Variants in MMP20 observed in about 807,000 individuals in gnomAD.
The protein encoded by MMP20 is matrix metalloproteinase-20.
A neutral mutation model predicts 51.8 loss-of-function variants in MMP20; 50 were observed. The ratio of observed to expected loss-of-function variants is 0.97; its 90% CI spans 0.77 to 1.22. The LOEUF (loss-of-function observed/expected upper bound fraction) is 1.22, where lower values mean the gene tolerates loss of function less well. Ranked by LOEUF, MMP20 falls within the 50% of genes most tolerant of loss-of-function variation. MMP20 has a pLI of 0.00. For synonymous variants in MMP20, 244 were observed against 216.2 expected, an observed-to-expected ratio of 1.13 and a Z score of -1.13; for missense variants, 663 against 601.4, an observed-to-expected ratio of 1.10 and a Z score of -1.07.
intron 1 of MMP20, among the ~76,000 whole-genome samples, chr11:102,621,666 T>C (rs1327345313): frequency 1.3e-5 from 2 of 152,244 alleles, no homozygotes; most frequent in East Asian, 1.9e-4. Context: ...AGAAGCCTTA[T>C]TCATATGGAA....
intron 8 of MMP20, among the ~76,000 whole-genome samples, chr11:102,584,937 C>G (rs902290125): frequency 5.9e-5 from 9 of 152,128 alleles, no homozygotes; most frequent in African/African-American, 1.9e-4. Context: ...CCCATAGATA[C>G]ATGGCTTTAT....
chr11:102,583,241 C>T (rs1317268082), intron 8 of MMP20, among the ~76,000 whole-genome samples: 2 of 152,186 alleles, frequency 1.3e-5, no homozygotes, highest in Non-Finnish European at 2.9e-5. Context: ...GTTTGAAGAA[C>T]AATCAAATCT....
At position 102,577,354 on chromosome 11, in the gene MMP20, A is replaced by G. The variant is rs751829476; in HGVS notation, c.1424T>C (p.Val475Ala). The change falls in exon 10 of 10, where the codon GTG (valine) becomes GCG (alanine). Residue 475 changes from valine to alanine, a missense_variant. Physicochemically the swap from Val to Ala is moderately conservative, Grantham distance 64 (BLOSUM62 0). Coordinates refer to ENST00000260228, the MANE Select transcript of MMP20 (RefSeq NM_004771.4). ...GCAACCAATCCAGGAACTAGATTTC[A>G]CCACACTAACCACATCTTCCTTCTC... ...DTEKEDVVSVVKSSSWIGC is the reference protein window; with the variant it reads ...DTEKEDVVSVAKSSSWIGC The G allele has an allele frequency of 2.9e-5, 47 of 1,613,796 alleles. No homozygotes were observed. The highest frequency in any genetic ancestry group is 4.0e-5 in the Non-Finnish European group (47 of 1,179,812).
At chr11:102,579,175 C>T (rs971367838) in intron 8 of MMP20, 33 bp from the exon 9 acceptor site, 1 of 1,482,618 alleles carries the variant, frequency 6.7e-7, no homozygotes, top group Non-Finnish European at 9.4e-7. Flanking sequence ...AATAATATTA[C>T]TAAGAGGTTT....
At chr11:102,590,153 T>A (rs986300787) in intron 8 of MMP20, among the ~76,000 whole-genome samples, 9 of 152,174 alleles carry the variant, frequency 5.9e-5, no homozygotes, top group Middle Eastern at 3.2e-3. Context: ...ATGTAGCCAC[T>A]GCTCTGCTAC....
At chr11:102,611,289 G>T (rs1305473465) in intron 3 of MMP20, among the ~76,000 whole-genome samples, 1 of 152,212 alleles carries the variant, frequency 6.6e-6, no homozygotes, top group Admixed American at 6.5e-5. Context: ...GTGTGGGCAA[G>T]ACAGAAACGA....
At chr11:102,593,641 G>C in intron 7 of MMP20, 46 bp from the exon 8 acceptor site, 1 of 1,601,976 alleles carries the variant, frequency 6.2e-7, no homozygotes, top group South Asian at 1.1e-5. Flanking sequence ...ACCACTTGGT[G>C]ATGCACTTCT....
chr11:102,618,333 T>G (rs1350031615), intron 1 of MMP20, among the ~76,000 whole-genome samples: 2 of 151,530 alleles, frequency 1.3e-5, no homozygotes, highest in East Asian at 3.8e-4. Flanking sequence ...ATTTATTAGA[T>G]ATAAATTACA....
Position 102,593,435 on chromosome 11 carries a change from A to G in MMP20, c.1247+4T>C. On this transcript the variant is annotated splice_donor_region_variant and intron_variant, in intron 8 of 9. Transcript: ENST00000260228. ...ATAGATAGTAAAAAGGAAAAAAGCC[A>G]TACCTGTAGTATTCATCTCCCACAA... 1 of 1,613,548 alleles carries G rather than the reference A, an allele frequency of 6.2e-7. No individual in the cohort carries two copies. The highest frequency in any genetic ancestry group is 8.5e-7 in the Non-Finnish European group (1 of 1,179,602).
chr11:102,609,165 T>C (rs1373708441), intron 4 of MMP20, 67 bp from the exon 5 acceptor site: 3 of 1,397,596 alleles, frequency 2.1e-6, no homozygotes, highest in Admixed American at 3.6e-5. Context: ...CTTCCATCTT[T>C]ATAGTATAAT....
At chr11:102,618,196 G>A (rs1026002022) in intron 1 of MMP20, among the ~76,000 whole-genome samples, 4 of 151,974 alleles carry the variant, frequency 2.6e-5, no homozygotes, top group Non-Finnish European at 4.4e-5. Flanking sequence ...AGATGCAACC[G>A]TCGATTTTTT....
intron 4 of MMP20, 87 bp from the exon 5 acceptor site, chr11:102,609,185 C>T (rs1342525328): frequency 8.4e-6 from 10 of 1,195,740 alleles, no homozygotes; most frequent in African/African-American, 1.5e-5. Flanking sequence ...TTTATGCCCA[C>T]ATTACAGTTA....
chr11:102,621,098 G>A (rs558247339), intron 1 of MMP20, among the ~76,000 whole-genome samples: 7 of 152,276 alleles, frequency 4.6e-5, no homozygotes, highest in African/African-American at 7.2e-5. Flanking sequence ...CCTCCTACCC[G>A]CCTGCAAGAT....
Position 102,594,623 on chromosome 11 carries a change from T to C in MMP20, c.1088A>G (p.Lys363Arg). Residue 363 changes from lysine to arginine, a missense_variant and splice_region_variant, in exon 7 of 10, where the codon AAA (lysine) becomes AGA (arginine). Physicochemically the swap from Lys to Arg is conservative, Grantham distance 26. Transcript: ENST00000260228. Reference sequence around the variant, plus strand: ...TCTTTGAGGGATCTGTAGGGTACCTTTGAAGAAGTAAGCAGTGCCCCTCTC... The same window carrying C: ...TCTTTGAGGGATCTGTAGGGTACCTCTGAAGAAGTAAGCAGTGCCCCTCTC... ...VAERGTAYFF[K>R]GPHYWITRGF... 6.2e-7 allele frequency: 1 copy of C among 1,613,706 alleles called. No individual in the cohort carries two copies. Among genetic ancestry groups the C allele is most frequent in the Non-Finnish European group, 8.5e-7 (1 of 1,179,954 alleles).
At chr11:102,624,301 C>G (rs1859788515) in intron 1 of MMP20, among the ~76,000 whole-genome samples, 1 of 152,034 alleles carries the variant, frequency 6.6e-6, no homozygotes, top group Non-Finnish European at 1.5e-5. Flanking sequence ...AGCATTTCCT[C>G]TATATATCTT....
In MMP20 at chr11:102,609,690, G is replaced by A. The variant is rs10502005; in HGVS notation, c.649+215C>T. On this transcript the variant is annotated intron_variant, in intron 4 of 9. Coordinates refer to ENST00000260228, the MANE Select transcript of MMP20 (RefSeq NM_004771.4). ...GAAGGGGATGACTGGTTCTTCAGATGATATGCTATGAAACAGATCAGACAA... is the reference window on the plus strand; with the variant it reads ...GAAGGGGATGACTGGTTCTTCAGATAATATGCTATGAAACAGATCAGACAA... Among the ~76,000 whole-genome samples the A allele has an allele frequency of 0.15, 22,659 of 152,176 alleles. 2,030 individuals are homozygous for A. Among genetic ancestry groups the A allele is most frequent in the Non-Finnish European group, 0.2 (13,342 of 67,992 alleles).
chr11:102,601,141 T>C (rs1591615523), intron 6 of MMP20, among the ~76,000 whole-genome samples: 5 of 46,380 alleles, frequency 1.1e-4, no homozygotes, highest in East Asian at 8.0e-4. Context: ...TTTTTTTTTT[T>C]TTTTTTTTTG....
At position 102,611,751 on chromosome 11, in the gene MMP20, A is replaced by G. The variant is rs1247099348; in HGVS notation, c.523+4T>C. The stretch of plus-strand genomic sequence containing the variant: ...TAGTAGATGGAATCCAAGTACCACA[A>G]TACCTCCATTTTCAAAAGATATCAT... On this transcript the variant is annotated splice_donor_region_variant and intron_variant, in intron 3 of 9. Transcript: ENST00000260228. 6.2e-7 allele frequency: 1 copy of G among 1,613,750 alleles called. No homozygotes were observed. The highest frequency in any genetic ancestry group is 2.2e-5 in the East Asian group (1 of 44,876).
chr11:102,590,912 GC>G (rs1859309843), intron 8 of MMP20, among the ~76,000 whole-genome samples: 1 of 152,204 alleles, frequency 6.6e-6, no homozygotes, highest in South Asian at 2.1e-4. Context: ...GTTAAGAATA[GC>G]AGAGCAAAAT....
Sources: allele counts gnomAD v4.1 joint callset (sites outside exome capture counted in the v4.1 genomes callset), GRCh38; gene constraint gnomAD v4.1.1; transcripts MANE v1.5; gene names NCBI Gene and HGNC (gene_info 2026-07-23, HGNC 2026-07-21).